TJP2: variants seen among roughly 807,000 people sequenced by gnomAD.
The protein encoded by TJP2 is Friedreich ataxia region gene X104 (tight junction protein ZO-2).
A neutral mutation model predicts 133.1 loss-of-function variants in TJP2; 91 were observed. That is an observed-to-expected ratio of 0.68 (90% CI 0.58 to 0.81). The LOEUF (loss-of-function observed/expected upper bound fraction) is 0.81. TJP2 is among the 40% of genes least tolerant of loss of function. The pLI is 0.00. For missense variants in TJP2, 1,541 were observed against 1,565.6 expected (o/e 0.98, Z 0.26); for synonymous variants, 592 against 583.4 (o/e 1.01, Z -0.21).
chr9:69,240,405 C>T (rs1261756669), intron 17 of TJP2, among the ~76,000 whole-genome samples: 2 of 152,148 alleles, frequency 1.3e-5, no homozygotes, highest in African/African-American at 4.8e-5. Flanking sequence ...TTCATATTTT[C>T]CTGTGAGACT....
chr9:69,234,658 T>G, intron 12 of TJP2, 111 bp downstream of exon 12: 1 of 778,270 alleles, frequency 1.3e-6, no homozygotes. Context: ...AAAATTGAGA[T>G]GGATCTCAAC....
chr9:69,174,265 G>A (rs1398430402), upstream of TJP2: 1 of 1,528,596 alleles, frequency 6.5e-7, no homozygotes, highest in African/African-American at 1.4e-5. Flanking sequence ...CCCGGCGGTT[G>A]GGCTGCGGGT....
chr9:69,204,603 C>T (rs915909395), intron 1 of TJP2, among the ~76,000 whole-genome samples: 1 of 152,216 alleles, frequency 6.6e-6, no homozygotes, highest in African/African-American at 2.4e-5. Context: ...TGTCTCTGAG[C>T]AGCACCAAAT....
At chr9:69,234,702 A>G (rs975193549) in intron 12 of TJP2, among the ~76,000 whole-genome samples, 155 bp downstream of exon 12, 1 of 152,034 alleles carries the variant, frequency 6.6e-6, no homozygotes, top group Non-Finnish European at 1.5e-5. Flanking sequence ...TGTGAAGAAA[A>G]TGTGAGTGCC....
At chr9:69,200,967 G>A (rs1197525242) in intron 1 of TJP2, among the ~76,000 whole-genome samples, 2 of 152,154 alleles carry the variant, frequency 1.3e-5, no homozygotes, top group Non-Finnish European at 2.9e-5. Context: ...GTGAGGAAAC[G>A]AGTTTGGCAC....
At chr9:69,188,030 T>C (rs1469336509) in intron 1 of TJP2, among the ~76,000 whole-genome samples, 1 of 152,212 alleles carries the variant, frequency 6.6e-6, no homozygotes, top group African/African-American at 2.4e-5. Flanking sequence ...TAGCGGAGCT[T>C]ATAGAACTGC....
In TJP2 at chr9:69,191,900, C is replaced by G. The variant is rs138975880; in HGVS notation, c.60+17468C>G. Among the ~76,000 whole-genome samples, 945 of 131,812 alleles carry G rather than the reference C, an allele frequency of 7.2e-3. 4 individuals are homozygous for G. The highest frequency in any genetic ancestry group is 0.026 in the African/African-American group (898 of 34,934). 86.5% of individuals were successfully genotyped at this position (131,812 alleles called of 152,430 possible). On this transcript the variant is annotated intron_variant, in intron 1 of 22. Coordinates refer to ENST00000377245, the MANE Select transcript of TJP2 (RefSeq NM_004817.4). ...TATAGGCACGTACCACCACGCCTGG[C>G]TAATTTTTGTATATTTAGTAGAGAC...
Position 69,254,221 on chromosome 9 carries a change from T to G in TJP2, c.3420T>G (p.Pro1140=). ...GTPQHTSSRP[P]EPQKAPSRPY... ...CTTTTTTTGTTAGTTCCAGACCCCC[T>G]GAGCCACAGAAAGCTCCTTCCAGAC... The change falls in exon 23 of 23, where the codon CCT becomes CCG. Residue 1140 remains proline, a synonymous_variant. Coordinates refer to ENST00000377245, the MANE Select transcript of TJP2 (RefSeq NM_004817.4). 1 of 1,614,242 alleles carries G rather than the reference T, an allele frequency of 6.2e-7. No individual in the cohort carries two copies. The highest frequency in any genetic ancestry group is 8.5e-7 in the Non-Finnish European group (1 of 1,180,034).
At chr9:69,138,979 C>G (rs572869496) in intron 1 of TJP2, among the ~76,000 whole-genome samples, 1 of 151,400 alleles carries the variant, frequency 6.6e-6, no homozygotes, top group African/African-American at 2.4e-5. Context: ...TTTGGGAGGC[C>G]AAGGCAGGCA....
At chr9:69,178,142 A>C (rs373358944) in intron 1 of TJP2, among the ~76,000 whole-genome samples, 1 of 152,164 alleles carries the variant, frequency 6.6e-6, no homozygotes, top group East Asian at 1.9e-4. Context: ...AAGGACTATC[A>C]TACCCCCAAA....
At chr9:69,132,256 T>C (rs6560584) in intron 1 of TJP2, among the ~76,000 whole-genome samples, 69,201 of 152,038 alleles carry the variant, frequency 0.46, 15,848 homozygotes, top group East Asian at 0.61. Flanking sequence ...GGTTGTACAG[T>C]TTAAGGACAG....
intron 1 of TJP2, among the ~76,000 whole-genome samples, chr9:69,189,201 C>T (rs568149889): frequency 5.3e-5 from 8 of 152,044 alleles, no homozygotes; most frequent in Admixed American, 2.0e-4. Flanking sequence ...CAGATACTGC[C>T]GAGATGTTGG....
In TJP2 at chr9:69,230,712, T is replaced by TTC. The variant is rs148543728; in HGVS notation, c.1671+482_1671+483dup. 5.8e-3 allele frequency among the ~76,000 whole-genome samples: 883 copies of TTC among 152,238 alleles called. 6 individuals are homozygous for TTC. Among genetic ancestry groups the TTC allele is most frequent in the African/African-American group, 0.02 (818 of 41,520 alleles). On this transcript the variant is annotated intron_variant, in intron 11 of 22. Transcript: ENST00000377245. ...CCCTGGTTCACCCTGAGACTCAGGT[T>TTC]TCTGTATCTGTTTAATGGGGATGAG...
chr9:69,223,760 C>G (rs1477083565), intron 5 of TJP2, among the ~76,000 whole-genome samples: 2 of 152,252 alleles, frequency 1.3e-5, no homozygotes, highest in African/African-American at 4.8e-5. Context: ...TTGCCCTTCC[C>G]TTATTCCATT....
intron 2 of TJP2, among the ~76,000 whole-genome samples, chr9:69,159,820 G>A (rs946027529): frequency 4.4e-4 from 66 of 149,726 alleles, no homozygotes; most frequent in Admixed American, 1.1e-3. Flanking sequence ...AGGTTGCAGT[G>A]AGCCACTGCA....
At position 69,162,159 on chromosome 9, in the gene TJP2, A is replaced by C. The variant is rs948137836; in HGVS notation, c.-10+10388A>C. ...TATATGAATATATATGCCTTTATATATTATATATATACATAAAGTATAATT... is the reference window on the plus strand; with the variant it reads ...TATATGAATATATATGCCTTTATATCTTATATATATACATAAAGTATAATT... On this transcript the variant is annotated intron_variant, in intron 2 of 5. Coordinates refer to the TJP2 transcript ENST00000423935. 4.1e-5 allele frequency among the ~76,000 whole-genome samples: 6 copies of C among 148,056 alleles called. No homozygotes were observed. In the South Asian group the frequency reaches 1.0e-3, roughly 26 times the overall value.
intron 1 of TJP2, among the ~76,000 whole-genome samples, chr9:69,191,661 T>G (rs1826211496): frequency 6.6e-6 from 1 of 152,338 alleles, no homozygotes; most frequent in Admixed American, 6.5e-5. Flanking sequence ...CTGTGTCCTA[T>G]GTTGACAGGT....
chr9:69,215,516 C>A (rs186096169), intron 2 of TJP2, among the ~76,000 whole-genome samples: 126 of 151,886 alleles, frequency 8.3e-4, no homozygotes, highest in African/African-American at 2.9e-3. Context: ...TCCCAAGTAT[C>A]TGGGACTATG....
rs576769864 is a variant in TJP2, at chr9:69,148,665, C to A, written c.-130-2986C>A. 1.2e-4 allele frequency among the ~76,000 whole-genome samples: 18 copies of A among 152,238 alleles called. No individual in the cohort carries two copies. The East Asian group carries it at 1.5e-3, about 13-fold the overall frequency. On this transcript the variant is annotated intron_variant, in intron 1 of 5. Transcript: ENST00000423935. ...GATTATAGGCATGAGCCACCGCCCCCCTCTGTAATACTTTTTCTTGCTGTC... is the reference window on the plus strand; with the variant it reads ...GATTATAGGCATGAGCCACCGCCCCACTCTGTAATACTTTTTCTTGCTGTC...
Sources: allele counts gnomAD v4.1 joint callset (sites outside exome capture counted in the v4.1 genomes callset), GRCh38; gene constraint gnomAD v4.1.1; transcripts MANE v1.5; gene names NCBI Gene and HGNC (gene_info 2026-07-23, HGNC 2026-07-21).